The following SDK1 variants were observed in gnomAD, a reference collection of about 807,000 sequenced individuals.
SDK1 encodes the protein protein sidekick-1.
In SDK1, 157 loss-of-function variants were observed where a neutral mutation model predicts 245.5. That is an observed-to-expected ratio of 0.64 (90% CI 0.56 to 0.73). The LOEUF (loss-of-function observed/expected upper bound fraction) is 0.73, where lower values mean the gene tolerates loss of function less well. Among genes scored for constraint, SDK1 ranks in the 30% least tolerant of loss-of-function variants. The pLI, the probability that SDK1 is intolerant of heterozygous loss-of-function variation, is 0.00. For synonymous variants in SDK1, 1,647 were observed against 1,278.5 expected (o/e 1.29, Z -6.15); for missense variants, 3,583 against 3,002.3 (o/e 1.19, Z -4.52).
chr7:4,113,337 G>A lies in SDK1; in HGVS notation c.3483G>A (p.Pro1161=), dbSNP rs771307855. The A allele has an allele frequency of 1.7e-5, 27 of 1,613,798 alleles. No individual in the cohort carries two copies. Among genetic ancestry groups the A allele is most frequent in the East Asian group, 1.3e-4 (6 of 44,882 alleles). Reference sequence around the variant, plus strand: ...TTGTTGGGCCGAGCCCCTACAGTCCGTCTTCCCGGGTCATCCAGACCCTGC... The same window carrying A: ...TTGTTGGGCCGAGCCCCTACAGTCCATCTTCCCGGGTCATCCAGACCCTGC... ...VNIVGPSPYS[P]SSRVIQTLQA... The change falls in exon 24 of 45, where the codon CCG becomes CCA. Residue 1161 remains proline, a synonymous_variant. Coordinates refer to ENST00000404826, the MANE Select transcript of SDK1 (RefSeq NM_152744.4).
intron 5 of SDK1, among the ~76,000 whole-genome samples, chr7:3,906,328 G>A (rs1297711687): frequency 6.6e-6 from 1 of 152,050 alleles, no homozygotes; most frequent in African/African-American, 2.4e-5. Context: ...TAAGTTCAGG[G>A]GTGGAAATTC....
intron 4 of SDK1, among the ~76,000 whole-genome samples, chr7:3,808,882 A>G (rs1292996051): frequency 1.3e-5 from 2 of 152,124 alleles, no homozygotes; most frequent in Admixed American, 1.3e-4. Context: ...GGATTTTCAT[A>G]TTGATTTATT....
At chr7:3,909,460 G>T (rs1165931482) in intron 5 of SDK1, among the ~76,000 whole-genome samples, 1 of 152,134 alleles carries the variant, frequency 6.6e-6, no homozygotes, top group East Asian at 1.9e-4. Context: ...TGTGGCCTCT[G>T]CTCAGGTTCA....
rs116150554 is a variant in SDK1, at chr7:4,220,262, C to A, written c.5693C>A (p.Pro1898Gln). The A allele has an allele frequency of 2.5e-4, 408 of 1,613,438 alleles. No homozygotes were observed. In the African/African-American group the frequency reaches 4.8e-3, roughly 19 times the overall value. The change falls in exon 39 of 45, where the codon CCA (proline) becomes CAA (glutamine). Residue 1898 changes from proline (P) to glutamine (Q), a missense_variant. Coordinates refer to ENST00000404826, the MANE Select transcript of SDK1 (RefSeq NM_152744.4). Reference sequence around the variant, plus strand: ...CTCCAAGCCAATATCACAGCCGGGCCAGCCGAGGGTAAGTGGAACTCCAGG... The same window carrying A: ...CTCCAAGCCAATATCACAGCCGGGCAAGCCGAGGGTAAGTGGAACTCCAGG... ...PELQANITAG[P>Q]AEGSPGSPRD...
chr7:4,079,765 A>G (rs1423408411), intron 22 of SDK1, among the ~76,000 whole-genome samples, 181 bp downstream of exon 22: 1 of 152,232 alleles, frequency 6.6e-6, no homozygotes, highest in Admixed American at 6.5e-5. Flanking sequence ...GACAAAGAAC[A>G]AGATGTCAGG....
chr7:3,490,450 C>T (rs1193653473), intron 1 of SDK1, among the ~76,000 whole-genome samples: 1 of 152,102 alleles, frequency 6.6e-6, no homozygotes, highest in Non-Finnish European at 1.5e-5. Context: ...TTATTGAGTG[C>T]CTGTGATATG....
intron 4 of SDK1, among the ~76,000 whole-genome samples, chr7:3,715,398 G>A (rs1238138759): frequency 6.6e-6 from 1 of 152,080 alleles, no homozygotes; most frequent in East Asian, 1.9e-4. Flanking sequence ...TCCTCAGGTG[G>A]CACTAGTCAA....
intron 1 of SDK1, among the ~76,000 whole-genome samples, chr7:3,343,406 G>A (rs1050632642): frequency 6.6e-6 from 1 of 152,150 alleles, no homozygotes; most frequent in Non-Finnish European, 1.5e-5. Flanking sequence ...ATTCTAAAAG[G>A]TTATATGTTG....
chr7:3,516,324 A>C (rs1024688408), intron 1 of SDK1, among the ~76,000 whole-genome samples: 1 of 152,030 alleles, frequency 6.6e-6, no homozygotes, highest in Non-Finnish European at 1.5e-5. Context: ...TAGGATACAC[A>C]GACAAACCCC....
At chr7:3,480,908 A>G (rs1339904851) in intron 1 of SDK1, among the ~76,000 whole-genome samples, 1 of 152,182 alleles carries the variant, frequency 6.6e-6, no homozygotes, top group Non-Finnish European at 1.5e-5. Flanking sequence ...TCTCTGGTAC[A>G]TCTTTCTTCC....
At chr7:3,809,905 A>G (rs980110643) in intron 4 of SDK1, among the ~76,000 whole-genome samples, 5 of 152,086 alleles carry the variant, frequency 3.3e-5, no homozygotes, top group Admixed American at 1.3e-4. Context: ...GGCTTCCCCA[A>G]CTCAGCTCAC....
intron 1 of SDK1, among the ~76,000 whole-genome samples, chr7:3,311,114 A>C (rs1184486037): frequency 6.6e-6 from 1 of 152,156 alleles, no homozygotes; most frequent in African/African-American, 2.4e-5. Context: ...GACAGTTGAC[A>C]TAACTGGAGA....
At chr7:3,585,754 AAG>A in intron 1 of SDK1, among the ~76,000 whole-genome samples, 1 of 152,180 alleles carries the variant, frequency 6.6e-6, no homozygotes, top group African/African-American at 2.4e-5. Flanking sequence ...AGCACAGCAT[AAG>A]AGATGAAACG....
intron 5 of SDK1, among the ~76,000 whole-genome samples, chr7:3,926,590 G>A (rs1779777803): frequency 6.6e-6 from 1 of 152,014 alleles, no homozygotes; most frequent in African/African-American, 2.4e-5. Flanking sequence ...GGCTCCCCAG[G>A]CTGGTCTCGA....
intron 22 of SDK1, among the ~76,000 whole-genome samples, chr7:4,104,162 C>T (rs549206154): frequency 2.6e-5 from 4 of 152,310 alleles, no homozygotes; most frequent in East Asian, 1.9e-4. Flanking sequence ...AGAGCTCAAG[C>T]GATCCTCCTG....
At chr7:3,980,775 C>A (rs373421525) in intron 13 of SDK1, among the ~76,000 whole-genome samples, 3 of 152,074 alleles carry the variant, frequency 2.0e-5, no homozygotes, top group East Asian at 1.9e-4. Context: ...AACCCTGTCT[C>A]TACTAAAAAT....
chr7:3,496,413 A>G (rs1035632852), intron 1 of SDK1, among the ~76,000 whole-genome samples: 2 of 151,904 alleles, frequency 1.3e-5, no homozygotes, highest in African/African-American at 2.4e-5. Context: ...TTTATAGATG[A>G]TAAATAATGT....
intron 41 of SDK1, among the ~76,000 whole-genome samples, chr7:4,234,577 G>A (rs767197275): frequency 2.6e-5 from 4 of 152,140 alleles, no homozygotes; most frequent in Non-Finnish European, 5.9e-5. Context: ...GCTGGAGAGG[G>A]AGGGCCGGCA....
intron 4 of SDK1, among the ~76,000 whole-genome samples, chr7:3,781,724 A>T (rs181661283): frequency 8.5e-5 from 13 of 152,294 alleles, no homozygotes; most frequent in Admixed American, 8.5e-4. Context: ...CAAAAATAGA[A>T]ACAATAAAAA....
Sources: allele counts gnomAD v4.1 joint callset (sites outside exome capture counted in the v4.1 genomes callset), GRCh38; gene constraint gnomAD v4.1.1; transcripts MANE v1.5; gene names NCBI Gene and HGNC (gene_info 2026-07-23, HGNC 2026-07-21).